The following OSBPL9 variants were observed in gnomAD, a reference collection of about 807,000 sequenced individuals.
The protein encoded by OSBPL9 is oxysterol binding protein like 9.
In OSBPL9, 40 loss-of-function variants were observed where a neutral mutation model predicts 106.6. The observed-to-expected ratio is 0.38, with a 90% CI of 0.29 to 0.49. OSBPL9 has a LOEUF of 0.49. OSBPL9 is among the 20% of genes least tolerant of loss of function. The probability of loss-of-function intolerance (pLI) is 0.97; values close to 1 mark genes in which losing one functional copy is unlikely to be tolerated. For missense variants in OSBPL9, 609 were observed against 887.2 expected (o/e 0.69, Z 3.98); for synonymous variants, 269 against 295.4 (o/e 0.91, Z 0.92).
At chr1:51,667,542 G>A (rs891801730) in intron 2 of OSBPL9, among the ~76,000 whole-genome samples, 14 of 152,024 alleles carry the variant, frequency 9.2e-5, no homozygotes, top group African/African-American at 3.1e-4. Context: ...ATAACTTTTC[G>A]CCCTGTATTA....
intron 1 of OSBPL9, among the ~76,000 whole-genome samples, chr1:51,647,476 G>T (rs1646236664): frequency 6.6e-6 from 1 of 152,166 alleles, no homozygotes; most frequent in East Asian, 1.9e-4. Context: ...AAGAGTTTGT[G>T]AAGGTATGTC....
chr1:51,608,993 C>A (rs370823637), intron 2 of OSBPL9, among the ~76,000 whole-genome samples: 1 of 152,094 alleles, frequency 6.6e-6, no homozygotes, highest in Non-Finnish European at 1.5e-5. Context: ...TTCCCTCTTG[C>A]CTTTTACACT....
chr1:51,775,831 G>A (rs577241399), intron 14 of OSBPL9, among the ~76,000 whole-genome samples: 10 of 152,094 alleles, frequency 6.6e-5, no homozygotes, highest in Admixed American at 3.3e-4. Flanking sequence ...GGCTGGTCTC[G>A]AACTCCTGAC....
chr1:51,630,737 G>A (rs1407085345), intron 1 of OSBPL9, among the ~76,000 whole-genome samples: 1 of 152,132 alleles, frequency 6.6e-6, no homozygotes, highest in Admixed American at 6.5e-5. Flanking sequence ...GCTTACTGTA[G>A]TGCTTTACTT....
At chr1:51,749,606 C>A in intron 7 of OSBPL9, 1 of 300,914 alleles carries the variant, frequency 3.3e-6, no homozygotes, top group Non-Finnish European at 7.2e-6. Flanking sequence ...TCACCATACC[C>A]AGCCTATCAG....
chr1:51,684,841 C>T (rs1293740981), intron 3 of OSBPL9, among the ~76,000 whole-genome samples: 1 of 151,608 alleles, frequency 6.6e-6, no homozygotes, highest in East Asian at 1.9e-4. Flanking sequence ...GCCAAGAAAA[C>T]AGTTTTTAAA....
chr1:51,570,873 G>A, the OSBPL9 span, among the ~76,000 whole-genome samples: 5 of 152,070 alleles, frequency 3.3e-5, no homozygotes, highest in Non-Finnish European at 5.9e-5. Context: ...CCAGGCTGGA[G>A]TGCAGTGGCA....
At chr1:51,519,187 G>A in the OSBPL9 span, 5 of 1,442,776 alleles carry the variant, frequency 3.5e-6, no homozygotes, top group East Asian at 1.1e-4. Context: ...GCGGACGGGC[G>A]TGTGGCGTTA....
intron 4 of OSBPL9, 137 bp from the exon 5 acceptor site, chr1:51,745,399 T>C (rs1378210842): frequency 8.6e-6 from 11 of 1,277,398 alleles, no homozygotes; most frequent in Non-Finnish European, 1.2e-5. Flanking sequence ...AACTGTTAAA[T>C]AGACCTATTA....
upstream of OSBPL9, chr1:51,617,011 C>T (rs945534300): frequency 2.7e-6 from 4 of 1,507,556 alleles, no homozygotes; most frequent in Non-Finnish European, 3.6e-6. Context: ...CCAGGACCCG[C>T]CCAGGACCCG....
At chr1:51,548,315 T>C in the OSBPL9 span, among the ~76,000 whole-genome samples, 1 of 152,144 alleles carries the variant, frequency 6.6e-6, no homozygotes, top group Non-Finnish European at 1.5e-5. Flanking sequence ...CCCAGGTTGG[T>C]CTTGAACTCC....
the OSBPL9 span, among the ~76,000 whole-genome samples, chr1:51,527,170 C>A: frequency 6.6e-6 from 1 of 152,066 alleles, no homozygotes; most frequent in Non-Finnish European, 1.5e-5. Flanking sequence ...GCTACAACAC[C>A]ATGGTCAAGT....
At chr1:51,629,107 T>C (rs1001730869) in intron 1 of OSBPL9, among the ~76,000 whole-genome samples, 3 of 152,188 alleles carry the variant, frequency 2.0e-5, no homozygotes, top group Non-Finnish European at 4.4e-5. Context: ...TTACTTCTTA[T>C]ACAGGTTTTC....
intron 3 of OSBPL9, among the ~76,000 whole-genome samples, chr1:51,686,969 G>A (rs1284323961): frequency 6.6e-6 from 1 of 152,162 alleles, no homozygotes; most frequent in African/African-American, 2.4e-5. Context: ...GTAAAATAAG[G>A]ATGCCAATGC....
intron 5 of OSBPL9, 50 bp from the exon 6 acceptor site, chr1:51,746,660 T>C: frequency 1.5e-6 from 2 of 1,322,470 alleles, no homozygotes; most frequent in Non-Finnish European, 2.1e-6. Flanking sequence ...TGAATGTACA[T>C]CGTATAGTAA....
chr1:51,617,283 G>C, intron 1 of OSBPL9, 62 bp downstream of exon 1: 1 of 1,510,656 alleles, frequency 6.6e-7, no homozygotes, highest in Non-Finnish European at 9.0e-7. Flanking sequence ...GTGGAGGTGG[G>C]GGACCGGGGT....
chr1:51,658,891 T>C (rs942634309), intron 2 of OSBPL9, among the ~76,000 whole-genome samples: 2 of 152,132 alleles, frequency 1.3e-5, no homozygotes, highest in South Asian at 2.1e-4. Flanking sequence ...ACTCTATTCA[T>C]TGTGGCTTTT....
At chr1:51,526,162 C>A in the OSBPL9 span, among the ~76,000 whole-genome samples, 57 of 152,240 alleles carry the variant, frequency 3.7e-4, no homozygotes, top group Non-Finnish European at 3.8e-4. Context: ...CAGGGGTGAA[C>A]AACTGCACTC....
chr1:51,716,258 A>T (rs1661031933), intron 4 of OSBPL9, among the ~76,000 whole-genome samples: 1 of 152,228 alleles, frequency 6.6e-6, no homozygotes, highest in Non-Finnish European at 1.5e-5. Flanking sequence ...CTGGCAAAAG[A>T]TTATTTTCTC....
Sources: allele counts gnomAD v4.1 joint callset (sites outside exome capture counted in the v4.1 genomes callset), GRCh38; gene constraint gnomAD v4.1.1; transcripts MANE v1.5; gene names NCBI Gene and HGNC (gene_info 2026-07-23, HGNC 2026-07-21).